ALK: variants seen among roughly 807,000 people sequenced by gnomAD.
ALK encodes ALK receptor tyrosine kinase.
In ALK, 74 loss-of-function variants were observed where a neutral mutation model predicts 163.1. The ratio of observed to expected loss-of-function variants is 0.45; its 90% CI spans 0.38 to 0.55. ALK has a LOEUF of 0.55. Ranked by LOEUF, ALK falls within the 20% of genes least tolerant of loss-of-function variation. The pLI, the probability that ALK is intolerant of heterozygous loss-of-function variation, is 0.00. For missense variants in ALK, 2,063 were observed against 2,105.3 expected (o/e 0.98, Z 0.39); for synonymous variants, 960 against 843.2 (o/e 1.14, Z -2.40).
chr2:29,698,506 C>A (rs1678638166), intron 2 of ALK, among the ~76,000 whole-genome samples: 1 of 152,202 alleles, frequency 6.6e-6, no homozygotes, highest in Admixed American at 6.5e-5. Context: ...CTGCGGCCAT[C>A]CCCTACCTTG....
intron 3 of ALK, among the ~76,000 whole-genome samples, chr2:29,625,702 G>A (rs749965474): frequency 5.9e-5 from 9 of 152,216 alleles, no homozygotes; most frequent in Non-Finnish European, 1.0e-4. Flanking sequence ...CTGCAAATAC[G>A]TGAATCCACT....
At chr2:29,535,124 G>T (rs188748335) in intron 3 of ALK, among the ~76,000 whole-genome samples, 1 of 152,160 alleles carries the variant, frequency 6.6e-6, no homozygotes, top group African/African-American at 2.4e-5. Context: ...TTTTGCTCAG[G>T]ATAGCTTGGG....
chr2:29,303,634 C>T (rs964794508), intron 8 of ALK, among the ~76,000 whole-genome samples: 5 of 152,184 alleles, frequency 3.3e-5, no homozygotes, highest in Non-Finnish European at 5.9e-5. Context: ...AATCAACCTA[C>T]GTGTCCCTCA....
intron 3 of ALK, among the ~76,000 whole-genome samples, chr2:29,564,094 T>A (rs1674105255): frequency 8.5e-5 from 13 of 152,116 alleles, no homozygotes. Flanking sequence ...TATGGGGACA[T>A]CTTCCATAAT....
intron 4 of ALK, among the ~76,000 whole-genome samples, chr2:29,392,252 G>A (rs888970244): frequency 1.4e-4 from 22 of 152,166 alleles, no homozygotes; most frequent in African/African-American, 5.3e-4. Flanking sequence ...CATTTTATAA[G>A]AGAGAAATTT....
intron 19 of ALK, 22 bp downstream of exon 19, chr2:29,225,439 C>A (rs754875517): frequency 6.3e-7 from 1 of 1,598,608 alleles, no homozygotes; most frequent in Non-Finnish European, 8.6e-7. Context: ...CCTTGGGAGT[C>A]CCTGGGGCTC....
At chr2:29,401,074 G>A (rs1669433115) in intron 4 of ALK, among the ~76,000 whole-genome samples, 1 of 152,008 alleles carries the variant, frequency 6.6e-6, no homozygotes, top group Admixed American at 6.6e-5. Context: ...CTTACAAATT[G>A]CTGTCATCAG....
intron 1 of ALK, among the ~76,000 whole-genome samples, chr2:29,887,556 TGA>T (rs1667016315): frequency 6.6e-6 from 1 of 152,126 alleles, no homozygotes; most frequent in African/African-American, 2.4e-5. Context: ...CACCTCTCAA[TGA>T]GAGAGGATCA....
At chr2:29,537,485 A>G (rs767231970) in intron 3 of ALK, among the ~76,000 whole-genome samples, 1 of 152,226 alleles carries the variant, frequency 6.6e-6, no homozygotes, top group Non-Finnish European at 1.5e-5. Context: ...AGAATGCAAG[A>G]GTGAAGAAGG....
intron 24 of ALK, among the ~76,000 whole-genome samples, chr2:29,213,323 C>A (rs1669512276): frequency 6.6e-6 from 1 of 152,172 alleles, no homozygotes; most frequent in Non-Finnish European, 1.5e-5. Flanking sequence ...ATAGAAGAAA[C>A]TAAGTATAGA....
At chr2:29,451,953 G>C (rs1451893321) in intron 4 of ALK, among the ~76,000 whole-genome samples, 1 of 152,200 alleles carries the variant, frequency 6.6e-6, no homozygotes, top group Non-Finnish European at 1.5e-5. Context: ...GACCCTCAAA[G>C]TGTGGCTACT....
chr2:29,626,907 C>T (rs1384957040), intron 3 of ALK, among the ~76,000 whole-genome samples: 1 of 152,216 alleles, frequency 6.6e-6, no homozygotes, highest in Non-Finnish European at 1.5e-5. Flanking sequence ...CTCCAGAGGC[C>T]TGCAGTGAAA....
At chr2:29,494,004 T>C (rs1420667422) in intron 4 of ALK, among the ~76,000 whole-genome samples, 1 of 152,204 alleles carries the variant, frequency 6.6e-6, no homozygotes, top group African/African-American at 2.4e-5. Context: ...CTCCACTAAC[T>C]TGTCGTGGGC....
At position 29,440,940 on chromosome 2, in the gene ALK, C is replaced by T. The variant is rs370748552; in HGVS notation, c.1155-57081G>A. ...AGAACATCAGATTTTGTCCATTTCTCGCTCCCTCTTGCCTTTCCTGACTCC... is the reference window on the plus strand; with the variant it reads ...AGAACATCAGATTTTGTCCATTTCTTGCTCCCTCTTGCCTTTCCTGACTCC... On this transcript the variant is annotated intron_variant, in intron 4 of 28. Coordinates refer to ENST00000389048, the MANE Select transcript of ALK (RefSeq NM_004304.5). Among the ~76,000 whole-genome samples, 9 of 152,206 alleles carry T rather than the reference C, an allele frequency of 5.9e-5. No individual in the cohort carries two copies. The East Asian group carries it at 1.5e-3, about 26-fold the overall frequency.
At chr2:29,750,268 C>A (rs929339776) in intron 1 of ALK, among the ~76,000 whole-genome samples, 2 of 152,192 alleles carry the variant, frequency 1.3e-5, no homozygotes, top group African/African-American at 4.8e-5. Context: ...GCCTATCGAT[C>A]CCAGGCCACA....
chr2:29,451,524 A>G (rs1470264271), intron 4 of ALK, among the ~76,000 whole-genome samples: 1 of 150,692 alleles, frequency 6.6e-6, no homozygotes, highest in Non-Finnish European at 1.5e-5. Flanking sequence ...CTCATCTTGT[A>G]CTTGCTGTCT....
At chr2:29,752,905 G>A (rs1254920918) in intron 1 of ALK, among the ~76,000 whole-genome samples, 1 of 152,112 alleles carries the variant, frequency 6.6e-6, no homozygotes, top group Non-Finnish European at 1.5e-5. Flanking sequence ...AAGGGAAGGG[G>A]CTTTCCTGGA....
In ALK at chr2:29,847,247, T is replaced by C. The variant is rs143191995; in HGVS notation, c.667+72746A>G. Among the ~76,000 whole-genome samples the C allele has an allele frequency of 6.2e-3, 945 of 152,216 alleles. 8 individuals are homozygous for C. The highest frequency in any genetic ancestry group is 0.014 in the Middle Eastern group (4 of 294). On this transcript the variant is annotated intron_variant, in intron 1 of 28. Coordinates refer to ENST00000389048, the MANE Select transcript of ALK (RefSeq NM_004304.5). The stretch of plus-strand genomic sequence containing the variant: ...CCATAATGAGCTGCTCACCACACAG[T>C]TGGCAAAAGTACTATCAGGAAAGTC...
At chr2:29,258,122 A>T (rs930627648) in intron 11 of ALK, among the ~76,000 whole-genome samples, 2 of 152,182 alleles carry the variant, frequency 1.3e-5, no homozygotes, top group African/African-American at 4.8e-5. Flanking sequence ...AAAAGCCATC[A>T]CGCCTGGCCT....
Sources: allele counts gnomAD v4.1 joint callset (sites outside exome capture counted in the v4.1 genomes callset), GRCh38; gene constraint gnomAD v4.1.1; transcripts MANE v1.5; gene names NCBI Gene and HGNC (gene_info 2026-07-23, HGNC 2026-07-21).